The following CRMP1 variants were observed in gnomAD, a reference collection of about 807,000 sequenced individuals.
The protein encoded by CRMP1 is collapsin response mediator protein 1.
Under a neutral mutation model 68.3 loss-of-function variants are expected in CRMP1, and 19 were observed. That is an observed-to-expected ratio of 0.28 (90% CI 0.19 to 0.41). The LOEUF is 0.41. Among genes scored for constraint, CRMP1 ranks in the 10% least tolerant of loss-of-function variants. The pLI is 1.00. For synonymous variants in CRMP1, 439 were observed against 399.6 expected (o/e 1.10, Z -1.18); for missense variants, 791 against 967.4 (o/e 0.82, Z 2.42).
chr4:5,859,478 C>T lies in CRMP1; in HGVS notation c.655+1548G>A, dbSNP rs1435548448. Among the ~76,000 whole-genome samples the T allele has an allele frequency of 6.6e-6, 1 of 152,224 alleles. No individual in the cohort carries two copies. The highest frequency in any genetic ancestry group is 1.5e-5 in the Non-Finnish European group (1 of 68,036). The stretch of plus-strand genomic sequence containing the variant: ...GAACTTCCATGCCCATCTCTCAGAA[C>T]TCTCATGTCCCATGCACTACATGAA... On this transcript the variant is annotated intron_variant, in intron 3 of 13. Coordinates refer to ENST00000324989, the MANE Select transcript of CRMP1 (RefSeq NM_001014809.3). This position sits in a 1 kb window ranked among gnomAD's most constrained non-coding sequence, Gnocchi z 5.2.
At chr4:5,852,327 G>A (rs142089200) in intron 4 of CRMP1, among the ~76,000 whole-genome samples, 174 of 152,264 alleles carry the variant, frequency 1.1e-3, no homozygotes, top group African/African-American at 3.8e-3. Flanking sequence ...TACACCAAAC[G>A]TGTTGGTTTC....
Position 5,870,893 on chromosome 4 carries a change from C to G in CRMP1, c.382-4137G>C, listed in dbSNP as rs978201737. Among the ~76,000 whole-genome samples the G allele has an allele frequency of 3.3e-5, 5 of 152,150 alleles. No individual in the cohort carries two copies. The highest frequency in any genetic ancestry group is 1.2e-4 in the African/African-American group (5 of 41,422). ...CGTGCATGTTTCCCCGGCTCCAGAACAGGAAACATAAGTCACCAGCAGCTG... is the reference window on the plus strand; with the variant it reads ...CGTGCATGTTTCCCCGGCTCCAGAAGAGGAAACATAAGTCACCAGCAGCTG... On this transcript the variant is annotated intron_variant, in intron 1 of 13. Transcript: ENST00000324989. This position sits in a 1 kb window ranked among gnomAD's most constrained non-coding sequence, Gnocchi z 6.0.
intron 12 of CRMP1, among the ~76,000 whole-genome samples, chr4:5,827,754 C>T (rs1396588969): frequency 2.0e-5 from 3 of 151,058 alleles, no homozygotes; most frequent in Non-Finnish European, 4.4e-5. Flanking sequence ...CACACACACA[C>T]GAAGCTGGCC....
At position 5,877,921 on chromosome 4, in the gene CRMP1, ATGCTAGC is replaced by A. The variant is rs1419432968; in HGVS notation, c.382-11172_382-11166del. On this transcript the variant is annotated intron_variant, in intron 1 of 13. Transcript: ENST00000324989. This position sits in a 1 kb window ranked among gnomAD's most constrained non-coding sequence, Gnocchi z 4.3. ...CCTGCACGCTGCATAGGGAAAGACG[ATGCTAGC>A]TGCATGTGTGATCGGTAACTTGACC... Among the ~76,000 whole-genome samples, 1 of 152,176 alleles carries A rather than the reference ATGCTAGC, an allele frequency of 6.6e-6. No individual in the cohort carries two copies. Among genetic ancestry groups the A allele is most frequent in the Non-Finnish European group, 1.5e-5 (1 of 68,040 alleles).
In CRMP1 at chr4:5,888,349, G is replaced by A. The variant is rs1715754056; in HGVS notation, c.381+4240C>T. 5.7e-6 allele frequency: 7 copies of A among 1,232,968 alleles called. No homozygotes were observed. The highest frequency in any genetic ancestry group is 7.1e-6 in the Non-Finnish European group (7 of 984,584). The allele number at this position is 1,232,968 out of a possible 1,614,324, so 76.4% of individuals were successfully genotyped here. ...CGGCGCTCTCGGCCCCGCTCCCAGC[G>A]GGCGCGCTGACAAAGGCCCGGGAGG... On this transcript the variant is annotated intron_variant, in intron 1 of 13. Coordinates refer to ENST00000324989, the MANE Select transcript of CRMP1 (RefSeq NM_001014809.3). The surrounding 1 kb of genome is among the most constrained non-coding windows in gnomAD (Gnocchi z 6.4).
rs974189445 is a variant in CRMP1, at chr4:5,866,619, G to A, written c.470+49C>T. 7.1e-7 allele frequency: 1 copy of A among 1,417,212 alleles called. No homozygotes were observed. Among genetic ancestry groups the A allele is most frequent in the Non-Finnish European group, 9.9e-7 (1 of 1,007,414 alleles). 87.8% of individuals were successfully genotyped at this position (1,417,212 alleles called of 1,614,324 possible). ...AGCCTTCTGTTCCATCTAAGGCCAG[G>A]CAGCCTGGCGACACAGGTTTCTTAA... On this transcript the variant is annotated intron_variant, in intron 2 of 13. Coordinates refer to ENST00000324989, the MANE Select transcript of CRMP1 (RefSeq NM_001014809.3). This position sits in a 1 kb window ranked among gnomAD's most constrained non-coding sequence, Gnocchi z 5.9.
In CRMP1 at chr4:5,877,724, G is replaced by A. The variant is rs1714937297; in HGVS notation, c.382-10968C>T. On this transcript the variant is annotated intron_variant, in intron 1 of 13. Transcript: ENST00000324989. The surrounding 1 kb of genome is among the most constrained non-coding windows in gnomAD (Gnocchi z 4.3). ...GAGATACAGGTAGTCCCCATGGACT[G>A]CAGGACTTTTTTTCCCCCCGATATT... Among the ~76,000 whole-genome samples, 2 of 152,190 alleles carry A rather than the reference G, an allele frequency of 1.3e-5. No individual in the cohort carries two copies. Among genetic ancestry groups the A allele is most frequent in the Non-Finnish European group, 2.9e-5 (2 of 68,046 alleles).
In CRMP1 at chr4:5,824,692, A is replaced by G. The variant is rs1309707850; in HGVS notation, c.1969+802T>C. On this transcript the variant is annotated intron_variant, in intron 13 of 13. Transcript: ENST00000324989. ...GTTGACATCCTAGATGTTGCCTCTTAGCTTACAAAGCCTAAAGTATTTACT... is the reference window on the plus strand; with the variant it reads ...GTTGACATCCTAGATGTTGCCTCTTGGCTTACAAAGCCTAAAGTATTTACT... The G allele has an allele frequency of 1.3e-5, 13 of 968,898 alleles. No individual in the cohort carries two copies. In the Admixed American group the frequency reaches 7.5e-4, roughly 56 times the overall value. The allele number at this position is 968,898 out of a possible 1,614,324, so 60.0% of individuals were successfully genotyped here.
At chr4:5,832,697 A>G (rs1363212445) in intron 11 of CRMP1, among the ~76,000 whole-genome samples, 2 of 152,198 alleles carry the variant, frequency 1.3e-5, no homozygotes, top group African/African-American at 4.8e-5. Context: ...GCTGCTATGA[A>G]AAGAATTCAA....
At chr4:5,846,430 C>T (rs1214820793) in intron 6 of CRMP1, among the ~76,000 whole-genome samples, 2 of 152,062 alleles carry the variant, frequency 1.3e-5, no homozygotes, top group African/African-American at 4.8e-5. Context: ...ATCAGGGTAG[C>T]GGAGGGATTA....
chr4:5,872,301 AT>A lies in CRMP1; in HGVS notation c.382-5546del, dbSNP rs755187540. ...CAAATTCACATATTTATAAAAAAAAATAATACCGGTGCCGTCTATTGCCTCT... is the reference window on the plus strand; with the variant it reads ...CAAATTCACATATTTATAAAAAAAAAAATACCGGTGCCGTCTATTGCCTCT... On this transcript the variant is annotated intron_variant, in intron 1 of 13. Coordinates refer to ENST00000324989, the MANE Select transcript of CRMP1 (RefSeq NM_001014809.3). The surrounding 1 kb of genome is among the most constrained non-coding windows in gnomAD (Gnocchi z 4.6). 1.3e-5 allele frequency among the ~76,000 whole-genome samples: 2 copies of A among 152,210 alleles called. No homozygotes were observed. The highest frequency in any genetic ancestry group is 2.1e-4 in the South Asian group (1 of 4,818).
rs1720754530 is a variant in CRMP1, at chr4:5,836,755, C to A, written c.1452+10G>T. 1 of 1,614,064 alleles carries A rather than the reference C, an allele frequency of 6.2e-7. No individual in the cohort carries two copies. The highest frequency in any genetic ancestry group is 1.7e-4 in the Middle Eastern group (1 of 6,060). ...TTCTAGAATGCTCCTGAGAAGAGAT[C>A]CAGCCTTACCACCGCCTTGTCCCAG... is the stretch of plus-strand genomic sequence containing the variant. On this transcript the variant is annotated intron_variant, in intron 10 of 13. Coordinates refer to ENST00000324989, the MANE Select transcript of CRMP1 (RefSeq NM_001014809.3).
chr4:5,892,871 G>A lies in CRMP1; in HGVS notation c.99C>T (p.Gly33=). The A allele has an allele frequency of 3.5e-6, 5 of 1,414,826 alleles. No homozygotes were observed. Among genetic ancestry groups the A allele is most frequent in the Non-Finnish European group, 4.7e-6 (5 of 1,073,816 alleles). The allele number at this position is 1,414,826 out of a possible 1,614,324, so 87.6% of individuals were successfully genotyped here. The change falls in exon 1 of 14, where the codon GGC becomes GGT. Residue 33 remains glycine (G), a synonymous_variant. Transcript: ENST00000324989. This position sits in a 1 kb window ranked among gnomAD's most constrained non-coding sequence, Gnocchi z 8.6. Reference sequence around the variant, plus strand: ...CGCCCTCCACCGCGGCGAACATGCCGCCGTACTTCTGGCGCGGGGTCTGCG... The same window carrying A: ...CGCCCTCCACCGCGGCGAACATGCCACCGTACTTCTGGCGCGGGGTCTGCG... ...SAAQTPRQKY[G]GMFAAVEGAY... is the part of the protein sequence containing the mutation.
In CRMP1 at chr4:5,825,968, TAAC is replaced by T. The variant is rs1053551620; in HGVS notation, c.1804-312_1804-310del. 3.1e-5 allele frequency: 13 copies of T among 423,048 alleles called. No individual in the cohort carries two copies. Among genetic ancestry groups the T allele is most frequent in the African/African-American group, 6.3e-5 (3 of 47,514 alleles). The allele number at this position is 423,048 out of a possible 1,614,324, so 26.2% of individuals were successfully genotyped here. A position where few individuals can be genotyped will look rare whatever the true frequency, so the allele number is the denominator to read the frequency against. On this transcript the variant is annotated intron_variant, in intron 12 of 13. Transcript: ENST00000324989. This position sits in a 1 kb window ranked among gnomAD's most constrained non-coding sequence, Gnocchi z 4.4. Reference sequence around the variant, plus strand: ...CACACATATATGCATGCACATGCAGTAACAAAACAGGCCTACACAGTAGCATAC... The same window carrying T: ...CACACATATATGCATGCACATGCAGTAAAACAGGCCTACACAGTAGCATAC...
At position 5,842,819 on chromosome 4, in the gene CRMP1, T is replaced by C. The variant is rs544965400; in HGVS notation, c.1032+274A>G. ...CACTTTCCTATTATCCACTATGCCA[T>C]GTCCTCCATGAGAATCCGTATCCAC... On this transcript the variant is annotated intron_variant, in intron 7 of 13. Coordinates refer to ENST00000324989, the MANE Select transcript of CRMP1 (RefSeq NM_001014809.3). The surrounding 1 kb of genome is among the most constrained non-coding windows in gnomAD (Gnocchi z 4.5). Among the ~76,000 whole-genome samples the C allele has an allele frequency of 4.6e-5, 7 of 152,262 alleles. No individual in the cohort carries two copies. Among genetic ancestry groups the C allele is most frequent in the Admixed American group, 1.3e-4 (2 of 15,290 alleles).
rs1285565449 is a variant in CRMP1, at chr4:5,843,530, G to GAT, written c.964-371_964-370dup. Among the ~76,000 whole-genome samples, 2 of 152,092 alleles carry GAT rather than the reference G, an allele frequency of 1.3e-5. No homozygotes were observed. The highest frequency in any genetic ancestry group is 2.9e-5 in the Non-Finnish European group (2 of 68,014). ...AAACGTGGTGTTTGGGTACAACATG[G>GAT]ATATCTTCAACTAGGAATCCTACTC... On this transcript the variant is annotated intron_variant, in intron 6 of 13. Transcript: ENST00000324989. This position sits in a 1 kb window ranked among gnomAD's most constrained non-coding sequence, Gnocchi z 4.1.
chr4:5,882,073 C>T (rs920828171), intron 1 of CRMP1, among the ~76,000 whole-genome samples: 22 of 152,198 alleles, frequency 1.4e-4, no homozygotes, highest in Admixed American at 2.6e-4. Context: ...TCAGCTTCCA[C>T]GGGTGTGTAT....
Position 5,881,973 on chromosome 4 carries a change from G to A in CRMP1, c.381+10616C>T, listed in dbSNP as rs138147178. On this transcript the variant is annotated intron_variant, in intron 1 of 13. Transcript: ENST00000324989. The surrounding 1 kb of genome is among the most constrained non-coding windows in gnomAD (Gnocchi z 4.6). ...TTGTCCATTGAGACACCTCAATTTC[G>A]AGCTTGCTACCAAATCCAATACAAC... Among the ~76,000 whole-genome samples, 1 of 151,894 alleles carries A rather than the reference G, an allele frequency of 6.6e-6. No homozygotes were observed. The highest frequency in any genetic ancestry group is 1.5e-5 in the Non-Finnish European group (1 of 68,020).
intron 9 of CRMP1, among the ~76,000 whole-genome samples, chr4:5,839,216 G>A (rs1711515447): frequency 1.3e-5 from 2 of 152,226 alleles, no homozygotes; most frequent in African/African-American, 4.8e-5. Flanking sequence ...ACACAGCCTT[G>A]TCTCCATCCC....
Sources: allele counts gnomAD v4.1 joint callset (sites outside exome capture counted in the v4.1 genomes callset), GRCh38; gene constraint gnomAD v4.1.1; non-coding constraint Gnocchi (gnomAD v3.1); transcripts MANE v1.5; gene names NCBI Gene and HGNC (gene_info 2026-07-23, HGNC 2026-07-21).